The following MADD variants were observed in gnomAD, a reference collection of about 807,000 sequenced individuals.
MADD encodes MAP kinase activating death domain.
Under a neutral mutation model 176.7 loss-of-function variants are expected in MADD, and 109 were observed. The observed-to-expected ratio is 0.62, with a 90% confidence interval of 0.53 to 0.72. MADD has a LOEUF of 0.72. MADD is among the 30% of genes least tolerant of loss of function. The probability of loss-of-function intolerance (pLI) is 0.00; values close to 1 mark genes in which losing one functional copy is unlikely to be tolerated. For missense variants in MADD, 1,914 were observed against 2,045.5 expected (o/e 0.94, Z 1.24); for synonymous variants, 771 against 771.3 (o/e 1.00, Z 0.01).
At chr11:47,291,424 G>A (rs2065179319) in intron 19 of MADD, among the ~76,000 whole-genome samples, 1 of 152,092 alleles carries the variant, frequency 6.6e-6, no homozygotes, top group Non-Finnish European at 1.5e-5. Flanking sequence ...AGCTTTCTAG[G>A]CATCACCTCT....
chr11:47,328,312 G>A lies in MADD; in HGVS notation c.4613-346G>A, dbSNP rs2095678454. The A allele has an allele frequency of 3.4e-6, 4 of 1,190,942 alleles. No homozygotes were observed. The African/African-American group carries it at 6.2e-5, about 18-fold the overall frequency. 73.8% of individuals were successfully genotyped at this position (1,190,942 alleles called of 1,614,324 possible). ...CAAAACCTGGGAATTCCCCACTGCAGCTCCTCAGGGGCCCTGGACAGTAGC... is the reference window on the plus strand; with the variant it reads ...CAAAACCTGGGAATTCCCCACTGCAACTCCTCAGGGGCCCTGGACAGTAGC... On this transcript the variant is annotated intron_variant, in intron 31 of 32. Coordinates refer to ENST00000402192, the Ensembl canonical transcript of MADD.
chr11:47,276,225 C>G (rs1459967519), intron 4 of MADD, 23 bp downstream of exon 4: 1 of 1,576,396 alleles, frequency 6.3e-7, no homozygotes, highest in Admixed American at 1.8e-5. Context: ...CTTCCTAGAC[C>G]TTTCTAGGGG....
intron 2 of MADD, 45 bp downstream of exon 2, chr11:47,274,021 C>T (rs1224345969): frequency 1.3e-6 from 2 of 1,552,674 alleles, no homozygotes; most frequent in South Asian, 2.2e-5. Flanking sequence ...CTGGGATAGC[C>T]ATAAAATCTG....
intron 5 of MADD, among the ~76,000 whole-genome samples, chr11:47,277,836 C>T (rs1591830387): frequency 6.6e-6 from 1 of 152,286 alleles, no homozygotes; most frequent in South Asian, 2.1e-4. Flanking sequence ...TATTGTCCTG[C>T]ACTTCAGATA....
chr11:47,306,224 C>G (rs1047423330), intron 22 of MADD, among the ~76,000 whole-genome samples: 2 of 152,130 alleles, frequency 1.3e-5, no homozygotes, highest in African/African-American at 4.8e-5. Flanking sequence ...CTCCACTTGG[C>G]CCCTTGGGGA....
Position 47,295,966 on chromosome 11 carries a change from G to A in MADD, c.3553G>A (p.Gly1185Ser), listed in dbSNP as rs776308236. The A allele has an allele frequency of 3.1e-6, 5 of 1,614,100 alleles. No homozygotes were observed. The South Asian group carries it at 5.5e-5, about 18-fold the overall frequency. ...GAGCAGCAATGCAGGTGATGGACCA[G>A]GTGGCGAGGGCAGTGTTCACCTGGC... Residue 1185 changes from glycine (G) to serine (S), a missense_variant, in exon 22 of 33, where the codon GGT becomes AGT. By Grantham distance (56) the Gly-to-Ser change is moderately conservative. Coordinates refer to ENST00000402192, the Ensembl canonical transcript of MADD.
At chr11:47,300,946 TTTTG>T (rs1399348448) in intron 22 of MADD, among the ~76,000 whole-genome samples, 1 of 152,078 alleles carries the variant, frequency 6.6e-6, no homozygotes, top group Non-Finnish European at 1.5e-5. Context: ...TCCAGTGATT[TTTTG>T]TTTTTCTGTG....
In MADD at chr11:47,289,300, C is replaced by T. The variant is rs369209315; in HGVS notation, c.2654-91C>T. On this transcript the variant is annotated intron_variant, in intron 15 of 32. Coordinates refer to ENST00000402192, the Ensembl canonical transcript of MADD. ...ACCCTCACCCAGCCCTTCTGAGGAA[C>T]GGGCATGGAACATGGCTACTTAGGG... The T allele has an allele frequency of 2.6e-4, 273 of 1,069,734 alleles. No individual in the cohort carries two copies. In the African/African-American group the frequency reaches 3.6e-3, roughly 14 times the overall value. The allele number at this position is 1,069,734 out of a possible 1,614,324, so 66.3% of individuals were successfully genotyped here.
chr11:47,327,331 C>T (rs1464113429), intron 31 of MADD: 28 of 988,152 alleles, frequency 2.8e-5, no homozygotes, highest in Non-Finnish European at 3.2e-5. Context: ...TGGGAGCCAG[C>T]GCTAGGGAGT....
chr11:47,285,921 T>G (rs939941506), intron 14 of MADD, among the ~76,000 whole-genome samples: 1 of 152,262 alleles, frequency 6.6e-6, no homozygotes, highest in Admixed American at 6.5e-5. Flanking sequence ...TGAGTCCATA[T>G]CTGGTATCTT....
At chr11:47,301,383 G>A (rs1017772154) in intron 22 of MADD, among the ~76,000 whole-genome samples, 1 of 152,144 alleles carries the variant, frequency 6.6e-6, no homozygotes, top group Admixed American at 6.5e-5. Context: ...CTCCCAAAAT[G>A]CTGGGATTAT....
At chr11:47,294,074 G>C (rs1336719791) in intron 20 of MADD, 91 bp downstream of exon 22, 2 of 1,065,942 alleles carry the variant, frequency 1.9e-6, no homozygotes, top group African/African-American at 1.6e-5. Context: ...AGACAGCCGG[G>C]CACAGTGGCT....
exon 9 of MADD, chr11:47,282,381 G>GGTT (rs1234208966): frequency 6.2e-7 from 1 of 1,613,704 alleles, no homozygotes; most frequent in South Asian, 1.1e-5. Flanking sequence ...GCTTCCCCAG[G>GGTT]GTTGCCATGG....
At chr11:47,304,921 G>C (rs2081365183) in intron 22 of MADD, among the ~76,000 whole-genome samples, 1 of 152,100 alleles carries the variant, frequency 6.6e-6, no homozygotes, top group Non-Finnish European at 1.5e-5. Flanking sequence ...ATGCAGTTGG[G>C]TTTTAGTGTG....
At chr11:47,293,922 C>T (rs963516805) in exon 20 of MADD, 1 of 1,614,132 alleles carries the variant, frequency 6.2e-7, no homozygotes, top group South Asian at 1.1e-5. Flanking sequence ...CTTGGTGAGA[C>T]AGAGGAGAAA....
At chr11:47,310,724 T>C (rs2087987509) in intron 25 of MADD, among the ~76,000 whole-genome samples, 1 of 151,342 alleles carries the variant, frequency 6.6e-6, no homozygotes, top group South Asian at 2.1e-4. Flanking sequence ...TTGACCAATA[T>C]GGTGAAATCC....
At chr11:47,279,043 A>C (rs369645259) in exon 7 of MADD, 61 of 1,613,966 alleles carry the variant, frequency 3.8e-5, no homozygotes, top group Non-Finnish European at 4.7e-5. Context: ...TCCTGCCAGA[A>C]CCAGAATCAC....
At chr11:47,296,624 C>T (rs1258928373) in intron 22 of MADD, among the ~76,000 whole-genome samples, 1 of 152,108 alleles carries the variant, frequency 6.6e-6, no homozygotes, top group Admixed American at 6.6e-5. Flanking sequence ...CACTATATTG[C>T]TGTGAGTAGT....
At chr11:47,289,999 G>A in exon 17 of MADD, 1 of 1,614,196 alleles carries the variant, frequency 6.2e-7, no homozygotes, top group Non-Finnish European at 8.5e-7. Flanking sequence ...TGAGCAAGCT[G>A]AACCGCATGG....
Sources: allele counts gnomAD v4.1 joint callset (sites outside exome capture counted in the v4.1 genomes callset), GRCh38; gene constraint gnomAD v4.1.1; transcripts MANE v1.5; gene names NCBI Gene and HGNC (gene_info 2026-07-23, HGNC 2026-07-21).